Variants in MPP7 observed in about 807,000 individuals in gnomAD.
The protein encoded by MPP7 is MAGUK p55 subfamily member 7.
A neutral mutation model predicts 76.5 loss-of-function variants in MPP7; 60 were observed. The observed-to-expected ratio is 0.78, with a 90% CI of 0.64 to 0.97. The LOEUF is 0.97. Ranked by LOEUF, MPP7 falls within the 50% of genes least tolerant of loss-of-function variation. The pLI, the probability that MPP7 is intolerant of heterozygous loss-of-function variation, is 0.00. For missense variants in MPP7, 641 were observed against 694.0 expected (o/e 0.92, Z 0.86); for synonymous variants, 237 against 244.5 (o/e 0.97, Z 0.29).
At chr10:28,113,882 G>A (rs1451634855) in intron 11 of MPP7, among the ~76,000 whole-genome samples, 4 of 152,174 alleles carry the variant, frequency 2.6e-5, no homozygotes, top group African/African-American at 9.7e-5. Flanking sequence ...GAGAGAGGTC[G>A]AGGGACATAA....
At chr10:28,193,821 A>G (rs1837491213) in intron 3 of MPP7, among the ~76,000 whole-genome samples, 1 of 151,978 alleles carries the variant, frequency 6.6e-6, no homozygotes, top group Admixed American at 6.6e-5. Flanking sequence ...TTAACCTACC[A>G]TGTGCAAATT....
intron 1 of MPP7, among the ~76,000 whole-genome samples, chr10:28,294,860 G>A (rs914887189): frequency 3.3e-5 from 5 of 152,258 alleles, no homozygotes; most frequent in Non-Finnish European, 4.4e-5. Flanking sequence ...CTTTAGAGAC[G>A]GAACAACAGA....
At chr10:28,229,120 T>A (rs540117595) in intron 2 of MPP7, among the ~76,000 whole-genome samples, 1 of 152,170 alleles carries the variant, frequency 6.6e-6, no homozygotes. Context: ...TGGATTTATA[T>A]GCATTCAAAA....
intron 14 of MPP7, among the ~76,000 whole-genome samples, chr10:28,059,181 G>A (rs920398599): frequency 3.9e-5 from 6 of 152,136 alleles, no homozygotes; most frequent in African/African-American, 1.4e-4. Context: ...GGGGCACTGG[G>A]GTGGGCTTGG....
intron 1 of MPP7, among the ~76,000 whole-genome samples, chr10:28,248,919 AT>A (rs2132833532): frequency 6.6e-6 from 1 of 152,232 alleles, no homozygotes; most frequent in East Asian, 1.9e-4. Flanking sequence ...CTAACAACAA[AT>A]TTCTCAGAAC....
At position 28,202,169 on chromosome 10, in the gene MPP7, A is replaced by C. The variant is rs1373607468; in HGVS notation, c.140T>G (p.Leu47Arg). The change falls in exon 3 of 17, where the codon CTG becomes CGG. Residue 47 changes from leucine to arginine, a missense_variant. Transcript: ENST00000683449. ...ATGGTTTACCTTTACCAATGAATGC[A>C]GGCTTTTTTCACCAAACATATCCCA... ...FLWDMFGEKSLHSLVKIHEKL... is the reference protein window; with the variant it reads ...FLWDMFGEKSRHSLVKIHEKL... 2 of 1,612,104 alleles carry C rather than the reference A, an allele frequency of 1.2e-6. No homozygotes were observed. The highest frequency in any genetic ancestry group is 2.2e-5 in the South Asian group (2 of 91,016).
At chr10:28,071,704 T>C (rs1396157220) in intron 12 of MPP7, among the ~76,000 whole-genome samples, 1 of 152,194 alleles carries the variant, frequency 6.6e-6, no homozygotes, top group African/African-American at 2.4e-5. Flanking sequence ...ATTCTTGGCA[T>C]GACTAGAGCA....
chr10:28,282,895 T>C (rs895795961), intron 1 of MPP7, among the ~76,000 whole-genome samples: 8 of 152,138 alleles, frequency 5.3e-5, no homozygotes, highest in African/African-American at 1.9e-4. Context: ...GAAAGTTCTA[T>C]AGCCTGTGTC....
At chr10:28,118,938 G>T in intron 11 of MPP7, 1 of 985,350 alleles carries the variant, frequency 1.0e-6, no homozygotes, top group Non-Finnish European at 1.2e-6. Context: ...CAAAGGGTTG[G>T]TTTTTTCCTC....
At position 28,177,155 on chromosome 10, in the gene MPP7, C is replaced by T. The variant is rs530700657; in HGVS notation, c.156+24998G>A. Among the ~76,000 whole-genome samples the T allele has an allele frequency of 6.0e-4, 91 of 150,806 alleles. 1 individual carries two copies. Among genetic ancestry groups the T allele is most frequent in the African/African-American group, 2.0e-3 (83 of 41,024 alleles). On this transcript the variant is annotated intron_variant, in intron 3 of 16. Transcript: ENST00000683449. ...AGTTCTGGCCGGGCGCAGTGGCTCA[C>T]GCCTGTAATCCCAGCACTTTGGGAG...
At chr10:28,309,557 C>A (rs1215799011) in intron 2 of MPP7, among the ~76,000 whole-genome samples, 1 of 152,174 alleles carries the variant, frequency 6.6e-6, no homozygotes, top group East Asian at 1.9e-4. Context: ...TTGGAGCACT[C>A]CCCCTTGTTA....
At chr10:28,107,205 T>G (rs1195361002) in intron 11 of MPP7, among the ~76,000 whole-genome samples, 1 of 152,140 alleles carries the variant, frequency 6.6e-6, no homozygotes, top group Admixed American at 6.5e-5. Context: ...TTCTTCTATC[T>G]TTATCCCCCA....
chr10:28,287,303 T>C (rs1383748292), intron 1 of MPP7, among the ~76,000 whole-genome samples: 1 of 152,012 alleles, frequency 6.6e-6, no homozygotes, highest in Non-Finnish European at 1.5e-5. Flanking sequence ...CCTTAAAAAT[T>C]TGTAGAGGGT....
intron 2 of MPP7, among the ~76,000 whole-genome samples, chr10:28,207,937 T>C (rs1363110349): frequency 6.6e-6 from 1 of 152,166 alleles, no homozygotes; most frequent in Admixed American, 6.5e-5. Flanking sequence ...CTTTTATGTT[T>C]GCATCAGTCA....
At chr10:28,117,716 G>A (rs1031719052) in intron 11 of MPP7, among the ~76,000 whole-genome samples, 9 of 151,942 alleles carry the variant, frequency 5.9e-5, no homozygotes, top group African/African-American at 2.2e-4. Flanking sequence ...CAATATTCAA[G>A]GAAATTTCAA....
chr10:28,303,114 G>C (rs1841207766), upstream of MPP7, among the ~76,000 whole-genome samples: 2 of 152,184 alleles, frequency 1.3e-5, no homozygotes, highest in Admixed American at 1.3e-4. Flanking sequence ...GGGCGGGGCG[G>C]GGCTGCACCG....
chr10:28,069,748 A>G, intron 13 of MPP7, 24 bp downstream of exon 13: 1 of 1,571,302 alleles, frequency 6.4e-7, no homozygotes, highest in Non-Finnish European at 8.7e-7. Flanking sequence ...TAGTCATAGG[A>G]ACACTGAGTA....
rs1839994480 is a variant in MPP7 at position 28,262,227 on chromosome 10, A to ATATATATATATG, written c.-131-23493_-131-23492insCATATATATATA. Among the ~76,000 whole-genome samples the ATATATATATATG allele has an allele frequency of 3.2e-3, 74 of 23,196 alleles. 4 individuals carry two copies. The highest frequency in any genetic ancestry group is 5.3e-3 in the Admixed American group (10 of 1,890). The allele number at this position is 23,196 out of a possible 152,430, so 15.2% of individuals were successfully genotyped here. A position where few individuals can be genotyped will look rare whatever the true frequency, so the allele number is the denominator to read the frequency against. On this transcript the variant is annotated intron_variant, in intron 1 of 16. Transcript: ENST00000683449. ...TATATACATATATATATATATATACATATATATATATATATACATATATAT... is the reference window on the plus strand; with the variant it reads ...TATATACATATATATATATATATACATATATATATATGTATATATATATATATACATATATAT...
intron 2 of MPP7, among the ~76,000 whole-genome samples, chr10:28,218,200 A>G (rs1838377873): frequency 6.6e-6 from 1 of 152,202 alleles, no homozygotes; most frequent in Admixed American, 6.5e-5. Context: ...CAACTGAGGC[A>G]GTGTGATAAA....
Sources: gnomAD v4.1 joint callset for allele counts (sites outside exome capture counted in the v4.1 genomes callset) on GRCh38, gnomAD v4.1.1 for gene constraint, MANE v1.5 for transcripts, NCBI Gene and HGNC (gene_info 2026-07-23, HGNC 2026-07-21) for gene names.